LMBRD1: variants seen among roughly 807,000 people sequenced by gnomAD.
LMBRD1 encodes LMBR1 domain containing 1.
In LMBRD1, 64 loss-of-function variants were observed where a neutral mutation model predicts 74.8. That is an observed-to-expected ratio of 0.86 (90% confidence interval 0.70 to 1.05). LMBRD1 has a LOEUF of 1.05. LMBRD1 is among the 50% of genes least tolerant of loss of function. LMBRD1 has a pLI of 0.00. For missense variants in LMBRD1, 652 were observed against 645.9 expected, an observed-to-expected ratio of 1.01 and a Z score of -0.10; for synonymous variants, 204 against 216.3, an observed-to-expected ratio of 0.94 and a Z score of 0.50.
chr6:69,723,902 A>G (rs1902651), intron 7 of LMBRD1, among the ~76,000 whole-genome samples: 14,777 of 151,924 alleles, frequency 0.097, 1,907 homozygotes, highest in African/African-American at 0.3. Context: ...GAAAAAATTG[A>G]CAAACCTTTA....
chr6:69,781,874 G>C (rs1765840556), intron 2 of LMBRD1, among the ~76,000 whole-genome samples: 2 of 151,830 alleles, frequency 1.3e-5, no homozygotes, highest in South Asian at 4.1e-4. Flanking sequence ...ATTGTGCTAG[G>C]AGGTAGAGTA....
intron 6 of LMBRD1, among the ~76,000 whole-genome samples, chr6:69,739,484 C>T (rs1767050746): frequency 6.7e-6 from 1 of 148,382 alleles, no homozygotes; most frequent in African/African-American, 2.6e-5. Flanking sequence ...TACTCTGCTG[C>T]AATAAAAAGG....
intron 7 of LMBRD1, among the ~76,000 whole-genome samples, chr6:69,737,067 G>T (rs962955384): frequency 3.9e-5 from 6 of 152,120 alleles, no homozygotes; most frequent in Non-Finnish European, 5.9e-5. Flanking sequence ...GAATGATCAT[G>T]TGACAAAACT....
At chr6:69,752,801 T>C (rs1765189449) in intron 3 of LMBRD1, among the ~76,000 whole-genome samples, 1 of 152,188 alleles carries the variant, frequency 6.6e-6, no homozygotes, top group Admixed American at 6.5e-5. Context: ...ATAAATAATA[T>C]TCTTTGTGAT....
chr6:69,726,150 C>A (rs1011476805), intron 7 of LMBRD1, among the ~76,000 whole-genome samples: 1 of 152,086 alleles, frequency 6.6e-6, no homozygotes, highest in Non-Finnish European at 1.5e-5. Context: ...CACTGATCAT[C>A]GGAGAAATGC....
At chr6:69,738,662 A>C (rs1371211942) in intron 6 of LMBRD1, among the ~76,000 whole-genome samples, 1 of 151,954 alleles carries the variant, frequency 6.6e-6, no homozygotes, top group African/African-American at 2.4e-5. Context: ...GATTTAGGAA[A>C]TTATCTAAAG....
intron 14 of LMBRD1, among the ~76,000 whole-genome samples, chr6:69,691,149 CTTT>C (rs55678819): frequency 7.0e-6 from 1 of 142,988 alleles, no homozygotes; most frequent in Middle Eastern, 3.6e-3. Context: ...CTCTCTCTCT[CTTT>C]TTTTTTTTAA....
chr6:69,734,431 T>C (rs1340301618), intron 7 of LMBRD1, among the ~76,000 whole-genome samples: 2 of 151,704 alleles, frequency 1.3e-5, no homozygotes, highest in Non-Finnish European at 2.9e-5. Context: ...GTCTTGCTCT[T>C]GTCTCCCAGG....
Position 69,674,973 on chromosome 6 carries a change from TA to T in LMBRD1, c.*1184del, listed in dbSNP as rs1467609338. On this transcript the variant is annotated 3_prime_UTR_variant, in exon 16 of 16. Transcript: ENST00000649934. ...GGGCGACAAGAGTGAAACTCCATCT[TA>T]AAAAAAAAGAAAAAAGAAAATGTAA... Among the ~76,000 whole-genome samples the T allele has an allele frequency of 6.7e-6, 1 of 149,920 alleles. No individual in the cohort carries two copies. The highest frequency in any genetic ancestry group is 2.1e-4 in the South Asian group (1 of 4,724).
At chr6:69,708,361 T>C (rs528175731) in intron 9 of LMBRD1, among the ~76,000 whole-genome samples, 77 of 152,348 alleles carry the variant, frequency 5.1e-4, no homozygotes, top group African/African-American at 1.8e-3. Context: ...TATAGAACTA[T>C]AACAGCAGCA....
chr6:69,713,513 A>T, intron 9 of LMBRD1, 132 bp downstream of exon 9: 1 of 877,396 alleles, frequency 1.1e-6, no homozygotes, highest in East Asian at 2.5e-5. Flanking sequence ...TGTGATTTAA[A>T]ACCAGATTAA....
At position 69,674,206 on chromosome 6, in the gene LMBRD1, A is replaced by G. The variant is rs1542413; in HGVS notation, c.*1952T>C. Reference sequence around the variant, plus strand: ...CTCTCCCCCTTCTTATAAGAACACCAGTCATATTGGATTTGGGCTTCACGC... The same window carrying G: ...CTCTCCCCCTTCTTATAAGAACACCGGTCATATTGGATTTGGGCTTCACGC... On this transcript the variant is annotated 3_prime_UTR_variant, in exon 16 of 16. Coordinates refer to ENST00000649934, the MANE Select transcript of LMBRD1 (RefSeq NM_018368.4). Among the ~76,000 whole-genome samples the G allele has an allele frequency of 0.57, 86,529 of 151,972 alleles. 25,113 individuals carry two copies. Among genetic ancestry groups the G allele is most frequent in the East Asian group, 0.73 (3,792 of 5,164 alleles).
chr6:69,720,493 CT>C (rs2149857442), intron 7 of LMBRD1, among the ~76,000 whole-genome samples: 1 of 152,292 alleles, frequency 6.6e-6, no homozygotes, highest in Admixed American at 6.5e-5. Context: ...TATCCCTCAT[CT>C]TAAATGGCTG....
At chr6:69,715,214 T>C (rs994131517) in intron 8 of LMBRD1, among the ~76,000 whole-genome samples, 1 of 152,078 alleles carries the variant, frequency 6.6e-6, no homozygotes, top group Non-Finnish European at 1.5e-5. Context: ...ATCTTAACCA[T>C]AACAATTTCC....
At chr6:69,739,246 C>T (rs540340522) in intron 6 of LMBRD1, among the ~76,000 whole-genome samples, 2 of 152,132 alleles carry the variant, frequency 1.3e-5, no homozygotes, top group East Asian at 1.9e-4. Flanking sequence ...TTTGGCCAAT[C>T]GAAATGTTAA....
At chr6:69,768,934 T>C (rs1422202407) in intron 3 of LMBRD1, among the ~76,000 whole-genome samples, 1 of 152,138 alleles carries the variant, frequency 6.6e-6, no homozygotes, top group Non-Finnish European at 1.5e-5. Flanking sequence ...GATGCTGTTA[T>C]GTAATTTTTT....
In LMBRD1 at chr6:69,697,555, G is replaced by A; in HGVS notation, c.1417+8C>T. ...AAAGTTGTAAGTTCTAAAACAAGCT[G>A]TTTTTACCTTCAGGAGCATCTGCAT... is the stretch of plus-strand genomic sequence containing the variant. On this transcript the variant is annotated splice_region_variant and intron_variant, in intron 14 of 15. Coordinates refer to ENST00000649934, the MANE Select transcript of LMBRD1 (RefSeq NM_018368.4). The A allele has an allele frequency of 6.3e-7, 1 of 1,579,580 alleles. No homozygotes were observed. The highest frequency in any genetic ancestry group is 2.2e-5 in the East Asian group (1 of 44,558).
intron 3 of LMBRD1, among the ~76,000 whole-genome samples, chr6:69,769,492 C>T (rs1765535114): frequency 1.3e-5 from 2 of 152,144 alleles, no homozygotes; most frequent in Non-Finnish European, 2.9e-5. Context: ...TCTAGAAATA[C>T]TGTTTCCACT....
At chr6:69,778,145 A>T (rs564956540) in intron 3 of LMBRD1, among the ~76,000 whole-genome samples, 2 of 152,368 alleles carry the variant, frequency 1.3e-5, no homozygotes, top group East Asian at 3.8e-4. Context: ...GTCATAAAAC[A>T]AATTTTTCAA....
Sources: allele counts gnomAD v4.1 joint callset (sites outside exome capture counted in the v4.1 genomes callset), GRCh38; gene constraint gnomAD v4.1.1; transcripts MANE v1.5; gene names NCBI Gene and HGNC (gene_info 2026-07-23, HGNC 2026-07-21).